PUM2: variants seen among roughly 807,000 people sequenced by gnomAD.
PUM2 encodes pumilio homolog 2.
Under a neutral mutation model 124.5 loss-of-function variants are expected in PUM2, and 57 were observed. The ratio of observed to expected loss-of-function variants is 0.46; its 90% CI spans 0.37 to 0.57. PUM2 has a LOEUF of 0.57. PUM2 is among the 20% of genes least tolerant of loss of function. The pLI is 0.00. For missense variants in PUM2, 1,065 were observed against 1,290.6 expected (o/e 0.83, Z 2.68); for synonymous variants, 460 against 446.1 (o/e 1.03, Z -0.39).
At chr2:20,273,220 G>A (rs1240180052) in intron 13 of PUM2, among the ~76,000 whole-genome samples, 1 of 152,190 alleles carries the variant, frequency 6.6e-6, no homozygotes, top group Non-Finnish European at 1.5e-5. Context: ...TGCTGACTAT[G>A]CAAAGTATAA....
chr2:20,258,207 AAAT>A, intron 16 of PUM2, 33 bp downstream of exon 16: 1 of 1,520,656 alleles, frequency 6.6e-7, no homozygotes, highest in Middle Eastern at 1.7e-4. Context: ...AAATTGAATA[AAAT>A]AATACAAAAA....
chr2:20,260,241 A>G, intron 15 of PUM2, 96 bp downstream of exon 15: 1 of 1,270,306 alleles, frequency 7.9e-7, no homozygotes. Context: ...ATCTTTTTTT[A>G]TATGAAAATG....
intron 7 of PUM2, among the ~76,000 whole-genome samples, chr2:20,300,145 AG>A (rs1412507565): frequency 4.2e-5 from 6 of 141,194 alleles, no homozygotes; most frequent in African/African-American, 1.6e-4. Flanking sequence ...CCAGTCCTTC[AG>A]GTTAAATTTT....
chr2:20,258,650 CTTTTTTTTTTTT>C (rs1057217780), intron 15 of PUM2, among the ~76,000 whole-genome samples: 2 of 93,858 alleles, frequency 2.1e-5, no homozygotes, highest in Admixed American at 1.5e-4. Context: ...AACCCTTCAT[CTTTTTTTTTTTT>C]TTTTTTTTTT....
Position 20,322,648 on chromosome 2 carries a change from T to C in PUM2, c.52-4003A>G, listed in dbSNP as rs150978507. Among the ~76,000 whole-genome samples, 5 of 151,316 alleles carry C rather than the reference T, an allele frequency of 3.3e-5. No homozygotes were observed. The East Asian group carries it at 9.7e-4, about 29-fold the overall frequency. Reference sequence around the variant, plus strand: ...CGAAACAATGTCTCTACAAAAAATATAAAAATTAGCCAGGCGTGGTGGCGT... The same window carrying C: ...CGAAACAATGTCTCTACAAAAAATACAAAAATTAGCCAGGCGTGGTGGCGT... On this transcript the variant is annotated intron_variant, in intron 2 of 20. Transcript: ENST00000361078.
intron 20 of PUM2, among the ~76,000 whole-genome samples, chr2:20,253,446 C>G (rs910421829): frequency 7.9e-5 from 12 of 151,918 alleles, no homozygotes; most frequent in African/African-American, 2.4e-4. Flanking sequence ...CAAGTGGTCT[C>G]CCACCACAGC....
chr2:20,282,971 C>A lies in PUM2; in HGVS notation c.1696G>T (p.Ala566Ser). 6.2e-7 allele frequency: 1 copy of A among 1,613,956 alleles called. No individual in the cohort carries two copies. Among genetic ancestry groups the A allele is most frequent in the South Asian group, 1.1e-5 (1 of 91,074 alleles). Reference protein sequence around the residue: ...GNSLGAAIGSALSGFGSSVGS... With the variant: ...GNSLGAAIGSSLSGFGSSVGS... ...CCTGATGAACCAAATCCACTGAGGG[C>A]TGAGCCTATAGCAGCACCCAAAGAG... Residue 566 changes from alanine (A) to serine (S), a missense_variant, in exon 12 of 21, where the codon GCC becomes TCC. Coordinates refer to ENST00000361078, the MANE Select transcript of PUM2 (RefSeq NM_015317.5).
At chr2:20,282,492 T>G (rs1030872232) in intron 12 of PUM2, among the ~76,000 whole-genome samples, 2 of 152,142 alleles carry the variant, frequency 1.3e-5, no homozygotes, top group African/African-American at 4.8e-5. Context: ...TAGGCCAAAT[T>G]TAAAAACTGT....
intron 10 of PUM2, among the ~76,000 whole-genome samples, chr2:20,288,065 A>G (rs1481084675): frequency 1.3e-5 from 2 of 152,224 alleles, no homozygotes; most frequent in African/African-American, 2.4e-5. Flanking sequence ...CTCCTGAGGA[A>G]TAAGTCTAAA....
At chr2:20,307,214 C>T (rs1293722340) in intron 7 of PUM2, among the ~76,000 whole-genome samples, 1 of 151,782 alleles carries the variant, frequency 6.6e-6, no homozygotes, top group East Asian at 1.9e-4. Context: ...ACTCTCTCTC[C>T]AAAATAAACA....
rs138409084 is a variant in PUM2, at chr2:20,316,851, C to T, written c.160+1686G>A. On this transcript the variant is annotated intron_variant, in intron 3 of 20. Transcript: ENST00000361078. ...TTCGAGACCAGCCTGGCTAACATGG[C>T]GAAACTCCATCTTTACGAAAAATAT... Among the ~76,000 whole-genome samples the T allele has an allele frequency of 2.2e-4, 33 of 152,116 alleles. No homozygotes were observed. The East Asian group carries it at 5.2e-3, about 24-fold the overall frequency.
intron 7 of PUM2, among the ~76,000 whole-genome samples, chr2:20,301,921 T>C (rs954550198): frequency 8.5e-5 from 13 of 152,224 alleles, no homozygotes; most frequent in Admixed American, 3.3e-4. Flanking sequence ...GTCTTCTGTA[T>C]AGAAGGAACA....
intron 14 of PUM2, among the ~76,000 whole-genome samples, chr2:20,262,961 A>G (rs1251367005): frequency 6.6e-6 from 1 of 152,220 alleles, no homozygotes; most frequent in Admixed American, 6.5e-5. Flanking sequence ...GCCCTGCTAT[A>G]TTCTCATCAT....
At position 20,332,296 on chromosome 2, in the gene PUM2, T is replaced by A. The variant is rs1051160950; in HGVS notation, c.-18-4918A>T. On this transcript the variant is annotated intron_variant, in intron 1 of 20. Coordinates refer to ENST00000361078, the MANE Select transcript of PUM2 (RefSeq NM_015317.5). ...TATACTACTAGAGTGTGTGTGTGTG[T>A]GTGTGTGTGTGTGTGTGTGTGTGTG... Among the ~76,000 whole-genome samples, 285 of 78,922 alleles carry A rather than the reference T, an allele frequency of 3.6e-3. 3 individuals carry two copies. Among genetic ancestry groups the A allele is most frequent in the Middle Eastern group, 0.024 (3 of 126 alleles). The allele number at this position is 78,922 out of a possible 152,430, so 51.8% of individuals were successfully genotyped here. A position where few individuals can be genotyped will look rare whatever the true frequency, so the allele number is the denominator to read the frequency against.
intron 5 of PUM2, 54 bp from the exon 6 acceptor site, chr2:20,308,638 G>A (rs557461005): frequency 1.8e-5 from 26 of 1,478,344 alleles, no homozygotes; most frequent in African/African-American, 4.3e-5. Flanking sequence ...GTCAAATAGC[G>A]AAATGGGAAA....
chr2:20,328,159 C>A (rs1156327378), intron 1 of PUM2, among the ~76,000 whole-genome samples: 2 of 152,130 alleles, frequency 1.3e-5, no homozygotes, highest in South Asian at 2.1e-4. Flanking sequence ...CATGGTGAAA[C>A]CCCGTCTCTA....
intron 3 of PUM2, among the ~76,000 whole-genome samples, chr2:20,318,007 T>C (rs568078523): frequency 6.6e-5 from 10 of 152,334 alleles, no homozygotes; most frequent in African/African-American, 2.4e-4. Context: ...CATACACGTG[T>C]GTGTCTTATG....
chr2:20,281,061 T>C (rs1425326165), intron 12 of PUM2, among the ~76,000 whole-genome samples: 2 of 152,124 alleles, frequency 1.3e-5, no homozygotes, highest in Non-Finnish European at 2.9e-5. Context: ...AAGTATGTAA[T>C]TGCCATAATG....
chr2:20,283,356 T>C lies in PUM2; in HGVS notation c.1422A>G (p.Ala474=). ...MAPTPVLISS[A]AAQAAAAAAA... ...AGTTACACTTACCAGCTTGTGCTGC[T>C]GCTGAACTAATTAAAACAGGTGTTG... is the stretch of plus-strand genomic sequence containing the variant. Residue 474 remains alanine (A), a synonymous_variant, in exon 11 of 21, where the codon GCA becomes GCG. Coordinates refer to ENST00000361078, the MANE Select transcript of PUM2 (RefSeq NM_015317.5). 1.2e-6 allele frequency: 2 copies of C among 1,614,106 alleles called. No homozygotes were observed. Among genetic ancestry groups the C allele is most frequent in the Non-Finnish European group, 1.7e-6 (2 of 1,180,012 alleles).
Sources: allele counts gnomAD v4.1 joint callset (sites outside exome capture counted in the v4.1 genomes callset), GRCh38; gene constraint gnomAD v4.1.1; transcripts MANE v1.5; gene names NCBI Gene and HGNC (gene_info 2026-07-23, HGNC 2026-07-21).